The following PDZD8 variants were observed in gnomAD, a reference collection of about 807,000 sequenced individuals.
PDZD8 encodes the protein PDZ domain-containing protein 8.
PDZD8 carries 14 observed loss-of-function variants against 85.8 expected under a neutral mutation model. The observed-to-expected ratio is 0.16, with a 90% CI of 0.11 to 0.26. PDZD8 has a LOEUF of 0.26. PDZD8 is among the 10% of genes least tolerant of loss of function. The pLI is 1.00. For synonymous variants in PDZD8, 592 were observed against 568.6 expected (o/e 1.04, Z -0.59); for missense variants, 1,197 against 1,424.3 (o/e 0.84, Z 2.57).
intron 2 of PDZD8, among the ~76,000 whole-genome samples, chr10:117,336,925 G>A (rs1312199563): frequency 1.3e-5 from 2 of 151,712 alleles, no homozygotes; most frequent in Non-Finnish European, 2.9e-5. Context: ...TTGAAATCCA[G>A]TGAGACCAAA....
At chr10:117,311,987 G>A (rs569915742) in intron 3 of PDZD8, among the ~76,000 whole-genome samples, 3 of 152,022 alleles carry the variant, frequency 2.0e-5, no homozygotes, top group Admixed American at 6.6e-5. Flanking sequence ...GGGGGAAGAG[G>A]AAGAAAACCC....
intron 1 of PDZD8, among the ~76,000 whole-genome samples, chr10:117,345,962 C>T (rs1420319790): frequency 6.6e-6 from 1 of 152,082 alleles, no homozygotes; most frequent in Non-Finnish European, 1.5e-5. Flanking sequence ...GGGGTTCAGC[C>T]AGGCGCGGTG....
rs1844291835 is a variant in PDZD8, at chr10:117,325,097, CTT to C, written c.996-6125_996-6124del. 2.0e-5 allele frequency among the ~76,000 whole-genome samples: 3 copies of C among 152,104 alleles called. No homozygotes were observed. The South Asian group carries it at 6.2e-4, about 32-fold the overall frequency. On this transcript the variant is annotated intron_variant, in intron 2 of 4. Transcript: ENST00000334464. ...GACAACTTCAAGGAATTAAAGTTGA[CTT>C]TGTGGCGCCATTAACACCTCTGTCA...
chr10:117,328,110 TA>T (rs1381666810), intron 2 of PDZD8, among the ~76,000 whole-genome samples: 1 of 152,214 alleles, frequency 6.6e-6, no homozygotes, highest in African/African-American at 2.4e-5. Flanking sequence ...AGGATTTATA[TA>T]AAGTATAATA....
At chr10:117,305,934 C>A (rs1274200281) in intron 3 of PDZD8, among the ~76,000 whole-genome samples, 3 of 152,014 alleles carry the variant, frequency 2.0e-5, no homozygotes, top group African/African-American at 7.3e-5. Flanking sequence ...GTGATTTAGC[C>A]CCTGTGAGTC....
At position 117,285,419 on chromosome 10, in the gene PDZD8, A is replaced by G; in HGVS notation, c.1314T>C (p.Gly438=). The change falls in exon 5 of 5, where the codon GGT becomes GGC. Residue 438 remains glycine, a synonymous_variant. Coordinates refer to ENST00000334464, the MANE Select transcript of PDZD8 (RefSeq NM_173791.5). ...TTTCATAGTACACCAGGACTCGGTC[A>G]CCAGCCTGCTTGATAAGCTTCAACA... ...LQVLKLIKQA[G]DRVLVYYERP... 6.2e-7 allele frequency: 1 copy of G among 1,612,804 alleles called. No homozygotes were observed. Among genetic ancestry groups the G allele is most frequent in the Non-Finnish European group, 8.5e-7 (1 of 1,178,838 alleles).
chr10:117,315,848 A>G (rs1844120170), intron 3 of PDZD8, among the ~76,000 whole-genome samples: 1 of 152,126 alleles, frequency 6.6e-6, no homozygotes, highest in Non-Finnish European at 1.5e-5. Flanking sequence ...CATTCCACAG[A>G]TATTTATAGA....
At chr10:117,367,713 C>T (rs930117199) in intron 1 of PDZD8, among the ~76,000 whole-genome samples, 2 of 152,118 alleles carry the variant, frequency 1.3e-5, no homozygotes, top group African/African-American at 4.8e-5. Flanking sequence ...GCAGACAGAG[C>T]ACCTGAAGTC....
intron 2 of PDZD8, among the ~76,000 whole-genome samples, chr10:117,319,702 T>C (rs953759183): frequency 6.6e-6 from 1 of 152,186 alleles, no homozygotes; most frequent in East Asian, 1.9e-4. Context: ...AAAAAAGACA[T>C]ATGAGGTCCA....
At position 117,283,047 on chromosome 10, in the gene PDZD8, T is replaced by A. The variant is rs1232946638; in HGVS notation, c.*221A>T. ...ATTTAGTAAAAATAAATTCCCAGTA[T>A]AAACCCAAAAAAGCATAGCTATAAA... On this transcript the variant is annotated 3_prime_UTR_variant, in exon 5 of 5. Coordinates refer to ENST00000334464, the MANE Select transcript of PDZD8 (RefSeq NM_173791.5). 5 of 471,082 alleles carry A rather than the reference T, an allele frequency of 1.1e-5. No homozygotes were observed. Among genetic ancestry groups the A allele is most frequent in the Middle Eastern group, 1.1e-3 (2 of 1,840 alleles). 29.2% of individuals were successfully genotyped at this position (471,082 alleles called of 1,614,324 possible). A position where few individuals can be genotyped will look rare whatever the true frequency, so the allele number is the denominator to read the frequency against.
At chr10:117,321,472 G>A (rs1486229956) in intron 2 of PDZD8, among the ~76,000 whole-genome samples, 2 of 152,140 alleles carry the variant, frequency 1.3e-5, no homozygotes, top group Non-Finnish European at 2.9e-5. Context: ...ATTTAGGGTT[G>A]CAGGAGGAGT....
At chr10:117,368,843 T>C (rs752209645) in intron 1 of PDZD8, among the ~76,000 whole-genome samples, 1 of 149,070 alleles carries the variant, frequency 6.7e-6, no homozygotes, top group Non-Finnish European at 1.5e-5. Context: ...CAACATTATA[T>C]TGACAATGTT....
At chr10:117,297,450 A>C (rs1053240510) in intron 3 of PDZD8, among the ~76,000 whole-genome samples, 2 of 152,160 alleles carry the variant, frequency 1.3e-5, no homozygotes, top group African/African-American at 4.8e-5. Flanking sequence ...ACAGACTTGC[A>C]TGCCAATATT....
intron 1 of PDZD8, among the ~76,000 whole-genome samples, chr10:117,346,414 G>A (rs116886805): frequency 6.6e-6 from 1 of 152,012 alleles, no homozygotes; most frequent in Non-Finnish European, 1.5e-5. Context: ...AATTTAATCT[G>A]AAAGAATGGT....
chr10:117,352,567 T>C (rs1409337649), intron 1 of PDZD8, among the ~76,000 whole-genome samples: 1 of 152,194 alleles, frequency 6.6e-6, no homozygotes, highest in African/African-American at 2.4e-5. Context: ...GCAGGTGATA[T>C]TGGAAAAGCC....
intron 2 of PDZD8, among the ~76,000 whole-genome samples, chr10:117,339,447 G>C (rs889954799): frequency 1.3e-5 from 2 of 152,218 alleles, no homozygotes; most frequent in African/African-American, 4.8e-5. Context: ...GCAGCAGCTA[G>C]TCAACACAAT....
chr10:117,365,310 A>T (rs1418416763), intron 1 of PDZD8, among the ~76,000 whole-genome samples: 1 of 152,182 alleles, frequency 6.6e-6, no homozygotes, highest in African/African-American at 2.4e-5. Flanking sequence ...AAGTAGGTAT[A>T]TATAGAAAAC....
intron 2 of PDZD8, among the ~76,000 whole-genome samples, chr10:117,333,319 T>A (rs551384253): frequency 6.6e-6 from 1 of 152,152 alleles, no homozygotes; most frequent in Non-Finnish European, 1.5e-5. Flanking sequence ...AAATAATACA[T>A]GCAGTAAAGT....
intron 1 of PDZD8, among the ~76,000 whole-genome samples, chr10:117,371,416 C>G (rs1554859522): frequency 6.6e-6 from 1 of 152,176 alleles, no homozygotes; most frequent in South Asian, 2.1e-4. Context: ...CACTCCTGAC[C>G]TTAAGTAATC....
Sources: gnomAD v4.1 joint callset for allele counts (sites outside exome capture counted in the v4.1 genomes callset) on GRCh38, gnomAD v4.1.1 for gene constraint, MANE v1.5 for transcripts, NCBI Gene and HGNC (gene_info 2026-07-23, HGNC 2026-07-21) for gene names.